Variants in BEND6 observed in about 807,000 individuals in gnomAD.
The protein encoded by BEND6 is BEN domain containing 6, also known as BEN domain-containing protein 6.
Under a neutral mutation model 31.8 loss-of-function variants are expected in BEND6, and 24 were observed. The observed-to-expected ratio is 0.75, with a 90% CI of 0.55 to 1.06. The LOEUF (loss-of-function observed/expected upper bound fraction) is 1.06, where lower values mean the gene tolerates loss of function less well. Among genes scored for constraint, BEND6 ranks in the 50% least tolerant of loss-of-function variants. The probability of loss-of-function intolerance (pLI) is 0.00; values close to 1 mark genes in which losing one functional copy is unlikely to be tolerated. For missense variants in BEND6, 294 were observed against 327.4 expected (o/e 0.90, Z 0.79); for synonymous variants, 109 against 114.6 (o/e 0.95, Z 0.31).
chr6:57,026,303 A>G lies in BEND6; in HGVS notation c.*231A>G, dbSNP rs1827901023. The stretch of plus-strand genomic sequence containing the variant: ...GTACTAGTGATGCATCAAACCAGAG[A>G]ATTTCTGCCAGTCAAATAAGCATGC... On this transcript the variant is annotated 3_prime_UTR_variant, in exon 7 of 7. Transcript: ENST00000370746. 1 of 152,202 alleles carries G rather than the reference A, an allele frequency of 6.6e-6. No individual in the cohort carries two copies. The highest frequency in any genetic ancestry group is 1.5e-5 in the Non-Finnish European group (1 of 68,048). 9.4% of individuals were successfully genotyped at this position (152,202 alleles called of 1,614,324 possible).
intron 1 of BEND6, among the ~76,000 whole-genome samples, chr6:56,972,645 T>C (rs1007556099): frequency 6.6e-6 from 1 of 152,198 alleles, no homozygotes; most frequent in Admixed American, 6.5e-5. Flanking sequence ...AAGATGTATT[T>C]CTCAATTATG....
At chr6:57,005,530 A>T (rs2127879629) in intron 3 of BEND6, among the ~76,000 whole-genome samples, 1 of 152,130 alleles carries the variant, frequency 6.6e-6, no homozygotes, top group Non-Finnish European at 1.5e-5. Flanking sequence ...ACAAAAAAAA[A>T]TTAGCCAGAC....
rs1204559779 is a variant in BEND6, at chr6:57,026,849, C to T, written c.*777C>T. The T allele has an allele frequency of 6.6e-6, 1 of 151,888 alleles. No individual in the cohort carries two copies. The highest frequency in any genetic ancestry group is 1.9e-4 in the East Asian group (1 of 5,194). The allele number at this position is 151,888 out of a possible 1,614,324, so 9.4% of individuals were successfully genotyped here. A position where few individuals can be genotyped will look rare whatever the true frequency, so the allele number is the denominator to read the frequency against. On this transcript the variant is annotated 3_prime_UTR_variant, in exon 7 of 7. Coordinates refer to ENST00000370746, the MANE Select transcript of BEND6 (RefSeq NM_152731.3). ...CAGACATGTTCTAACTTTGTATTGC[C>T]CAAAGTATATTAAATACAGATGTGT...
chr6:57,013,112 A>T (rs1307045574), intron 3 of BEND6, among the ~76,000 whole-genome samples: 2 of 152,168 alleles, frequency 1.3e-5, no homozygotes, highest in Non-Finnish European at 2.9e-5. Context: ...TTTTTTGCAT[A>T]TACCTCAAGT....
chr6:56,980,371 T>C (rs2127851464), intron 1 of BEND6, among the ~76,000 whole-genome samples: 1 of 152,280 alleles, frequency 6.6e-6, no homozygotes, highest in South Asian at 2.1e-4. Flanking sequence ...GGTATTTTAG[T>C]AGAGATGGGG....
At chr6:57,022,443 C>T (rs1827780652) in intron 6 of BEND6, among the ~76,000 whole-genome samples, 1 of 151,800 alleles carries the variant, frequency 6.6e-6, no homozygotes, top group Non-Finnish European at 1.5e-5. Context: ...TCTAATGAGT[C>T]TTTGTATTTG....
At chr6:56,964,759 G>C (rs1825409687) in intron 1 of BEND6, among the ~76,000 whole-genome samples, 1 of 152,296 alleles carries the variant, frequency 6.6e-6, no homozygotes, top group African/African-American at 2.4e-5. Flanking sequence ...TGTCTCCCAA[G>C]TATTGGGATT....
chr6:56,967,005 CTATAGAA>C (rs1290828499), intron 1 of BEND6, among the ~76,000 whole-genome samples: 1 of 152,118 alleles, frequency 6.6e-6, no homozygotes, highest in Non-Finnish European at 1.5e-5. Context: ...AAGCCATATC[CTATAGAA>C]CAGTAATAAC....
At chr6:57,025,247 T>C (rs1014608009) in intron 6 of BEND6, among the ~76,000 whole-genome samples, 4 of 152,234 alleles carry the variant, frequency 2.6e-5, no homozygotes, top group African/African-American at 9.6e-5. Flanking sequence ...AAGAGGTCAT[T>C]GTTTCCTGTT....
chr6:56,969,482 A>T (rs1224765319), intron 1 of BEND6, among the ~76,000 whole-genome samples: 2 of 152,188 alleles, frequency 1.3e-5, no homozygotes, highest in Non-Finnish European at 2.9e-5. Flanking sequence ...GGGAGTCTTC[A>T]GTTCATATTC....
chr6:56,966,844 T>G (rs1161893384), intron 1 of BEND6, among the ~76,000 whole-genome samples: 4 of 152,114 alleles, frequency 2.6e-5, no homozygotes, highest in Admixed American at 2.6e-4. Flanking sequence ...GTGGAGCCAG[T>G]GATACCAGCA....
chr6:56,992,298 AC>A, intron 2 of BEND6, 79 bp from the exon 3 acceptor site: 1 of 1,432,830 alleles, frequency 7.0e-7, no homozygotes, highest in South Asian at 1.5e-5. Context: ...TGTAGTCCCA[AC>A]AACATGCAAT....
chr6:57,001,842 A>G (rs1216640697), intron 3 of BEND6, among the ~76,000 whole-genome samples: 1 of 152,254 alleles, frequency 6.6e-6, no homozygotes, highest in African/African-American at 2.4e-5. Flanking sequence ...TAGAAACTAC[A>G]AAGCAGGCAG....
intron 1 of BEND6, among the ~76,000 whole-genome samples, chr6:56,974,642 A>T (rs928631590): frequency 3.3e-5 from 5 of 152,232 alleles, no homozygotes; most frequent in Admixed American, 2.6e-4. Flanking sequence ...ACCACAAATG[A>T]CAGTGATGCA....
chr6:57,018,039 A>C (rs560448626), intron 5 of BEND6, among the ~76,000 whole-genome samples: 1 of 152,180 alleles, frequency 6.6e-6, no homozygotes, highest in East Asian at 1.9e-4. Context: ...TGTAATCCCA[A>C]TGGTTTGGGA....
chr6:56,976,175 G>A (rs2127848104), intron 1 of BEND6: 1 of 178,766 alleles, frequency 5.6e-6, no homozygotes, highest in South Asian at 1.3e-4. Flanking sequence ...AACAAGAAAA[G>A]AAGATAAAAT....
chr6:57,021,390 C>A (rs1398217485), intron 6 of BEND6, among the ~76,000 whole-genome samples: 1 of 152,164 alleles, frequency 6.6e-6, no homozygotes, highest in East Asian at 1.9e-4. Context: ...GAAAAACTTA[C>A]TTTTCTAGCA....
At chr6:56,967,983 C>T (rs2127842244) in intron 1 of BEND6, among the ~76,000 whole-genome samples, 1 of 152,276 alleles carries the variant, frequency 6.6e-6, no homozygotes, top group Non-Finnish European at 1.5e-5. Context: ...CATAGAATAG[C>T]ACCTTATATA....
chr6:56,997,753 C>T (rs557096794), intron 3 of BEND6, among the ~76,000 whole-genome samples: 8 of 152,106 alleles, frequency 5.3e-5, no homozygotes, highest in East Asian at 1.9e-4. Flanking sequence ...CGAGGTTTCA[C>T]GCATTAGCCA....
Sources: allele counts gnomAD v4.1 joint callset (sites outside exome capture counted in the v4.1 genomes callset), GRCh38; gene constraint gnomAD v4.1.1; transcripts MANE v1.5; gene names NCBI Gene and HGNC (gene_info 2026-07-23, HGNC 2026-07-21).